Variants in PDE6D observed in about 807,000 individuals in gnomAD.
PDE6D encodes the protein phosphodiesterase 6D.
In PDE6D, 10 loss-of-function variants were observed where a neutral mutation model predicts 21.9. The observed-to-expected ratio is 0.46, with a 90% CI of 0.28 to 0.78. The LOEUF (loss-of-function observed/expected upper bound fraction) is 0.78, where lower values mean the gene tolerates loss of function less well. Among genes scored for constraint, PDE6D ranks in the 30% least tolerant of loss-of-function variants. The pLI, the probability that PDE6D is intolerant of heterozygous loss-of-function variation, is 0.12. For synonymous variants in PDE6D, 59 were observed against 63.5 expected, an observed-to-expected ratio of 0.93 and a Z score of 0.34; for missense variants, 139 against 184.8, an observed-to-expected ratio of 0.75 and a Z score of 1.44.
chr2:231,741,272 AT>A (rs2048747438), intron 1 of PDE6D, among the ~76,000 whole-genome samples: 2 of 152,156 alleles, frequency 1.3e-5, no homozygotes, highest in African/African-American at 4.8e-5. Flanking sequence ...AAAAATCAGA[AT>A]AAATCAAATT....
intron 1 of PDE6D, among the ~76,000 whole-genome samples, chr2:231,771,080 ATT>A (rs778060007): frequency 2.1e-5 from 3 of 142,534 alleles, no homozygotes; most frequent in Admixed American, 7.1e-5. Flanking sequence ...GAGCTGAGAA[ATT>A]TTTTTTTTTT....
chr2:231,744,652 C>T (rs1303456418), intron 1 of PDE6D, among the ~76,000 whole-genome samples: 5 of 151,994 alleles, frequency 3.3e-5, no homozygotes, highest in Non-Finnish European at 5.9e-5. Context: ...AGGCTGGTCT[C>T]GAACTCCCAA....
rs144122637 is a variant in PDE6D at position 231,739,637 on chromosome 2, GT to G, written c.51-450del. ...AAATTGCTTTGTAGTGGCCCCCTCT[GT>G]TTTTTTTTTTTGAAACAGAGTCTCA... On this transcript the variant is annotated intron_variant, in intron 1 of 4. Transcript: ENST00000287600. This position sits in a 1 kb window ranked among gnomAD's most constrained non-coding sequence, Gnocchi z 4.2. Among the ~76,000 whole-genome samples, 38 of 145,764 alleles carry G rather than the reference GT, an allele frequency of 2.6e-4. No individual in the cohort carries two copies. Among genetic ancestry groups the G allele is most frequent in the East Asian group, 6.0e-4 (3 of 5,000 alleles).
intron 4 of PDE6D, among the ~76,000 whole-genome samples, chr2:231,735,229 G>A (rs1233729405): frequency 1.5e-5 from 2 of 131,936 alleles, no homozygotes; most frequent in Non-Finnish European, 3.2e-5. Context: ...GCAACAGAGC[G>A]AGACTCCATA....
chr2:231,753,379 C>CCAAAAAA (rs1277314641), intron 1 of PDE6D, among the ~76,000 whole-genome samples: 11 of 150,748 alleles, frequency 7.3e-5, no homozygotes, highest in East Asian at 2.0e-4. Context: ...AAAAAAAACC[C>CCAAAAAA]CAAAAAACAA....
intron 1 of PDE6D, chr2:231,779,165 G>C (rs922729254): frequency 6.6e-6 from 1 of 152,172 alleles, no homozygotes; most frequent in Admixed American, 6.5e-5. Flanking sequence ...TTTTGATGTG[G>C]CTGCTTCCCT....
intron 1 of PDE6D, among the ~76,000 whole-genome samples, chr2:231,742,607 G>A (rs886091557): frequency 3.9e-5 from 6 of 152,212 alleles, no homozygotes; most frequent in African/African-American, 1.4e-4. Context: ...TATTTGCGAA[G>A]AGACTGAGCT....
chr2:231,735,718 A>G (rs1175925853), intron 4 of PDE6D, among the ~76,000 whole-genome samples: 1 of 145,108 alleles, frequency 6.9e-6, no homozygotes, highest in Non-Finnish European at 1.5e-5. Context: ...GCTGTTAAAA[A>G]AACTATTAAA....
At chr2:231,753,233 T>TG (rs1345743963) in intron 1 of PDE6D, among the ~76,000 whole-genome samples, 1 of 150,358 alleles carries the variant, frequency 6.7e-6, no homozygotes, top group Non-Finnish European at 1.5e-5. Context: ...TTGTTAAAAA[T>TG]GCTGTTTCGG....
intron 1 of PDE6D, among the ~76,000 whole-genome samples, chr2:231,756,648 T>C (rs998811658): frequency 6.7e-5 from 10 of 149,692 alleles, no homozygotes; most frequent in Non-Finnish European, 1.2e-4. Flanking sequence ...TCTGTTGTTC[T>C]AGGCTGATCT....
chr2:231,768,111 T>A (rs1299256169), intron 1 of PDE6D, among the ~76,000 whole-genome samples: 1 of 152,046 alleles, frequency 6.6e-6, no homozygotes, highest in Non-Finnish European at 1.5e-5. Context: ...TCCCAAAGTG[T>A]TGGGATTACA....
intron 1 of PDE6D, among the ~76,000 whole-genome samples, chr2:231,763,582 T>A (rs1418125894): frequency 6.6e-6 from 1 of 152,178 alleles, no homozygotes; most frequent in East Asian, 1.9e-4. Flanking sequence ...ATTTGTTGAT[T>A]TCAATAATAA....
intron 1 of PDE6D, among the ~76,000 whole-genome samples, chr2:231,767,056 T>C (rs2048976924): frequency 6.8e-6 from 1 of 147,972 alleles, no homozygotes; most frequent in South Asian, 2.2e-4. Context: ...CAGTGTCATC[T>C]GGGGGTTTCT....
intron 1 of PDE6D, among the ~76,000 whole-genome samples, chr2:231,758,907 A>G (rs2048904179): frequency 2.6e-5 from 4 of 152,158 alleles, no homozygotes; most frequent in Middle Eastern, 3.2e-3. Flanking sequence ...CAGGAAAGAA[A>G]ACTCTCATAA....
intron 1 of PDE6D, among the ~76,000 whole-genome samples, chr2:231,748,278 G>A (rs963298120): frequency 8.5e-5 from 13 of 152,190 alleles, no homozygotes; most frequent in Non-Finnish European, 1.8e-4. Context: ...AATTCAGATG[G>A]AGATGAGGAA....
intron 1 of PDE6D, among the ~76,000 whole-genome samples, chr2:231,747,144 G>T (rs2048800443): frequency 6.6e-6 from 1 of 152,202 alleles, no homozygotes. Context: ...AGGCTGGAGT[G>T]CAGTGGTGCG....
intron 1 of PDE6D, among the ~76,000 whole-genome samples, chr2:231,751,266 C>T (rs2048838153): frequency 6.6e-6 from 1 of 152,214 alleles, no homozygotes; most frequent in East Asian, 1.9e-4. Flanking sequence ...AATTGATCCT[C>T]CCACTTCAGC....
chr2:231,745,899 A>G (rs2048790193), intron 1 of PDE6D, among the ~76,000 whole-genome samples: 1 of 152,012 alleles, frequency 6.6e-6, no homozygotes, highest in Non-Finnish European at 1.5e-5. Context: ...GGGTGGTAGA[A>G]TGGGAAGGGA....
chr2:231,734,851 A>C lies in PDE6D; in HGVS notation c.372-1818T>G, dbSNP rs1451503896. 3.4e-5 allele frequency among the ~76,000 whole-genome samples: 5 copies of C among 145,390 alleles called. No individual in the cohort carries two copies. The South Asian group carries it at 6.5e-4, about 19-fold the overall frequency. On this transcript the variant is annotated intron_variant, in intron 4 of 4. Transcript: ENST00000287600. ...GACAGAGCGAGACTCCGTCTCAAAA[A>C]AAAAAACAAAAAAAAAAACCCCAAA...
Sources: allele counts gnomAD v4.1 joint callset (sites outside exome capture counted in the v4.1 genomes callset), GRCh38; gene constraint gnomAD v4.1.1; non-coding constraint Gnocchi (gnomAD v3.1); transcripts MANE v1.5; gene names NCBI Gene and HGNC (gene_info 2026-07-23, HGNC 2026-07-21).